HSD17B11: variants seen among roughly 807,000 people sequenced by gnomAD.
The protein encoded by HSD17B11 is estradiol 17-beta-dehydrogenase 11.
A neutral mutation model predicts 27.8 loss-of-function variants in HSD17B11; 22 were observed. The ratio of observed to expected loss-of-function variants is 0.79; its 90% CI spans 0.56 to 1.13. The LOEUF is 1.13. Ranked by LOEUF, HSD17B11 falls within the 50% of genes most tolerant of loss-of-function variation. HSD17B11 has a pLI of 0.00. For synonymous variants in HSD17B11, 117 were observed against 132.8 expected (o/e 0.88, Z 0.82); for missense variants, 314 against 351.1 (o/e 0.89, Z 0.84).
At chr4:87,362,031 C>T (rs1023007474) in intron 4 of HSD17B11, among the ~76,000 whole-genome samples, 2 of 152,196 alleles carry the variant, frequency 1.3e-5, no homozygotes, top group Non-Finnish European at 2.9e-5. Flanking sequence ...ATCATCAGGG[C>T]ACAACAGTGG....
intron 2 of HSD17B11, among the ~76,000 whole-genome samples, chr4:87,378,181 T>A (rs1405146759): frequency 2.0e-5 from 3 of 152,238 alleles, no homozygotes; most frequent in Admixed American, 2.0e-4. Flanking sequence ...TAGTAAAGTG[T>A]CAAGCTAAGT....
chr4:87,381,777 GAGAAA>G (rs763652197), intron 2 of HSD17B11, among the ~76,000 whole-genome samples: 4 of 145,512 alleles, frequency 2.7e-5, no homozygotes, highest in Non-Finnish European at 6.0e-5. Flanking sequence ...AAAAAAAAAA[GAGAAA>G]AGAAAAGAAA....
chr4:87,377,869 T>G (rs909497093), intron 2 of HSD17B11, among the ~76,000 whole-genome samples: 1 of 152,212 alleles, frequency 6.6e-6, no homozygotes, highest in Admixed American at 6.5e-5. Context: ...TGCATTTACA[T>G]GATTTCATTA....
intron 1 of HSD17B11, chr4:87,386,032 G>C (rs1720305830): frequency 6.6e-6 from 1 of 151,610 alleles, no homozygotes. Context: ...TCTGTTTTCA[G>C]AGATTTGCTT....
intron 5 of HSD17B11, among the ~76,000 whole-genome samples, chr4:87,354,956 A>G (rs1306854892): frequency 2.7e-5 from 4 of 150,840 alleles, no homozygotes; most frequent in Admixed American, 2.6e-4. Flanking sequence ...TCTCAAAAAA[A>G]AAAAAAAAAA....
At chr4:87,390,285 T>C (rs527664949) in intron 1 of HSD17B11, among the ~76,000 whole-genome samples, 21 of 152,234 alleles carry the variant, frequency 1.4e-4, no homozygotes, top group African/African-American at 4.6e-4. Flanking sequence ...GCCTCCCCAA[T>C]AGCTGGGACT....
At chr4:87,360,779 T>C (rs1204445425) in intron 4 of HSD17B11, among the ~76,000 whole-genome samples, 1 of 152,224 alleles carries the variant, frequency 6.6e-6, no homozygotes, top group Non-Finnish European at 1.5e-5. Flanking sequence ...TTAAGTTTTT[T>C]GTTCCTTGCA....
At chr4:87,368,225 G>C (rs1735643888) in intron 4 of HSD17B11, among the ~76,000 whole-genome samples, 1 of 152,176 alleles carries the variant, frequency 6.6e-6, no homozygotes. Flanking sequence ...GCTGAGGCAG[G>C]AGAATGGCAT....
chr4:87,360,240 C>CA (rs1228877056), intron 4 of HSD17B11, among the ~76,000 whole-genome samples: 1 of 151,908 alleles, frequency 6.6e-6, no homozygotes, highest in African/African-American at 2.4e-5. Flanking sequence ...AAAAAAGTGA[C>CA]AAAAAACACT....
intron 5 of HSD17B11, among the ~76,000 whole-genome samples, chr4:87,356,141 A>G (rs1735382791): frequency 6.6e-6 from 1 of 152,178 alleles, no homozygotes; most frequent in South Asian, 2.1e-4. Flanking sequence ...AGTAGAGAGT[A>G]AGTTGCTCTC....
chr4:87,370,425 A>ATTC (rs1735684953), intron 4 of HSD17B11, among the ~76,000 whole-genome samples: 1 of 151,782 alleles, frequency 6.6e-6, no homozygotes, highest in South Asian at 2.1e-4. Flanking sequence ...TATTATTATT[A>ATTC]TTATTTTTTG....
chr4:87,362,284 G>A (rs1175745833), intron 4 of HSD17B11, among the ~76,000 whole-genome samples: 1 of 152,246 alleles, frequency 6.6e-6, no homozygotes, highest in Middle Eastern at 3.2e-3. Flanking sequence ...CCAGCACTGT[G>A]GGAGGCCAAG....
rs192542086 is a variant in HSD17B11 at position 87,386,288 on chromosome 4, T to A, written c.211-3926A>T. Among the ~76,000 whole-genome samples the A allele has an allele frequency of 3.3e-3, 509 of 152,100 alleles. 6 individuals carry two copies. The highest frequency in any genetic ancestry group is 4.9e-3 in the Non-Finnish European group (332 of 67,996). ...TGCAATCTTAGCTCACTGTAGCCTC[T>A]GCCTTCCCGGTTCAAGTGATTCTCC... is the stretch of plus-strand genomic sequence containing the variant. On this transcript the variant is annotated intron_variant, in intron 1 of 6. Transcript: ENST00000358290.
intron 5 of HSD17B11, among the ~76,000 whole-genome samples, chr4:87,344,809 T>C (rs1287211454): frequency 6.6e-6 from 1 of 152,164 alleles, no homozygotes; most frequent in Admixed American, 6.5e-5. Context: ...GTTCTCTGAC[T>C]ACAATGGAGT....
At chr4:87,363,959 A>G (rs1360126307) in intron 4 of HSD17B11, among the ~76,000 whole-genome samples, 2 of 152,218 alleles carry the variant, frequency 1.3e-5, no homozygotes, top group Non-Finnish European at 2.9e-5. Flanking sequence ...TGGCATGGCT[A>G]AAGTCGGGTA....
intron 4 of HSD17B11, among the ~76,000 whole-genome samples, chr4:87,359,877 G>C (rs1316850134): frequency 1.3e-5 from 2 of 152,194 alleles, no homozygotes; most frequent in Non-Finnish European, 1.5e-5. Context: ...CAAATTAAGA[G>C]GCAAGTGACA....
intron 1 of HSD17B11, among the ~76,000 whole-genome samples, chr4:87,390,056 C>T (rs1278885897): frequency 6.6e-6 from 1 of 152,134 alleles, no homozygotes; most frequent in Non-Finnish European, 1.5e-5. Flanking sequence ...ACCTCCCAGG[C>T]TCAAGCAACC....
chr4:87,346,768 G>A (rs1360774714), intron 5 of HSD17B11, among the ~76,000 whole-genome samples: 7 of 152,024 alleles, frequency 4.6e-5, no homozygotes, highest in African/African-American at 1.7e-4. Context: ...AAGATTAAAA[G>A]TGTGCTAAGC....
chr4:87,354,237 G>C (rs547872262), intron 5 of HSD17B11, among the ~76,000 whole-genome samples: 3 of 152,044 alleles, frequency 2.0e-5, no homozygotes, highest in Admixed American at 1.3e-4. Flanking sequence ...AGAACCTGGC[G>C]GCCGTGGATC....
Sources: allele counts gnomAD v4.1 joint callset (sites outside exome capture counted in the v4.1 genomes callset), GRCh38; gene constraint gnomAD v4.1.1; transcripts MANE v1.5; gene names NCBI Gene and HGNC (gene_info 2026-07-23, HGNC 2026-07-21).